FGF12: variants seen among roughly 807,000 people sequenced by gnomAD.
FGF12 encodes the protein fibroblast growth factor 12B.
FGF12 carries 14 observed loss-of-function variants against 23.6 expected under a neutral mutation model. The ratio of observed to expected loss-of-function variants is 0.59; its 90% confidence interval spans 0.39 to 0.93. FGF12 has a LOEUF of 0.93. Ranked by LOEUF, FGF12 falls within the 40% of genes least tolerant of loss-of-function variation. The pLI, the probability that FGF12 is intolerant of heterozygous loss-of-function variation, is 0.00. For synonymous variants in FGF12, 62 were observed against 77.3 expected (o/e 0.80, Z 1.04); for missense variants, 175 against 217.8 (o/e 0.80, Z 1.24).
At chr3:192,351,461 G>T (rs915392639) in intron 3 of FGF12, among the ~76,000 whole-genome samples, 1 of 152,146 alleles carries the variant, frequency 6.6e-6, no homozygotes, top group Non-Finnish European at 1.5e-5. Context: ...TTAAAGTTCT[G>T]TTCTGTTATT....
At chr3:192,212,946 G>A (rs886164973) in intron 4 of FGF12, among the ~76,000 whole-genome samples, 3 of 152,234 alleles carry the variant, frequency 2.0e-5, no homozygotes, top group African/African-American at 7.2e-5. Flanking sequence ...CCTGTCTGGA[G>A]TGGCAGCTGC....
At chr3:192,531,956 C>A (rs115853174) in intron 2 of FGF12, among the ~76,000 whole-genome samples, 122 of 152,286 alleles carry the variant, frequency 8.0e-4, no homozygotes, top group African/African-American at 2.9e-3. Flanking sequence ...CAGTTTCATT[C>A]TTCTACATGT....
At chr3:192,239,765 C>G (rs1470995260) in intron 4 of FGF12, among the ~76,000 whole-genome samples, 2 of 152,210 alleles carry the variant, frequency 1.3e-5, no homozygotes, top group African/African-American at 4.8e-5. Flanking sequence ...ATCTCCAACC[C>G]CCAACTAGTC....
chr3:192,319,594 CAAATAAATAAAT>C (rs556846919), intron 4 of FGF12, among the ~76,000 whole-genome samples: 2 of 151,350 alleles, frequency 1.3e-5, no homozygotes, highest in Admixed American at 6.6e-5. Flanking sequence ...AAGACTGTCT[CAAATAAATAAAT>C]AAATAAATAA....
Position 192,409,869 on chromosome 3 carries a change from T to TGGCCGCTCAGAGCCGCGGGC in FGF12, c.14-49351_14-49332dup, listed in dbSNP as rs1721133838. ...CAACTCGCCCAACTTGCTGCGCGGGTGGCCGCTCAGAGCCGCGGGCTTGCG... is the reference window on the plus strand; with the variant it reads ...CAACTCGCCCAACTTGCTGCGCGGGTGGCCGCTCAGAGCCGCGGGCGGCCGCTCAGAGCCGCGGGCTTGCG... On this transcript the variant is annotated intron_variant, in intron 2 of 5. Coordinates refer to ENST00000445105, the MANE Select transcript of FGF12 (RefSeq NM_004113.6). This position sits in a 1 kb window ranked among gnomAD's most constrained non-coding sequence, Gnocchi z 4.8. Among the ~76,000 whole-genome samples the TGGCCGCTCAGAGCCGCGGGC allele has an allele frequency of 6.6e-6, 1 of 151,142 alleles. No homozygotes were observed. The highest frequency in any genetic ancestry group is 6.6e-5 in the Admixed American group (1 of 15,218).
At chr3:192,597,901 C>A (rs1713933146) in intron 2 of FGF12, among the ~76,000 whole-genome samples, 1 of 152,178 alleles carries the variant, frequency 6.6e-6, no homozygotes, top group Admixed American at 6.5e-5. Flanking sequence ...AGATGGCATA[C>A]CTGGAGTATC....
At chr3:192,277,193 T>C (rs1221655315) in intron 4 of FGF12, among the ~76,000 whole-genome samples, 1 of 152,218 alleles carries the variant, frequency 6.6e-6, no homozygotes, top group African/African-American at 2.4e-5. Flanking sequence ...CATTCATTGA[T>C]AAAATGATTC....
chr3:192,548,011 T>C (rs1197476186), intron 2 of FGF12, among the ~76,000 whole-genome samples: 3 of 152,178 alleles, frequency 2.0e-5, no homozygotes, highest in African/African-American at 7.2e-5. Context: ...GAAACCAAGA[T>C]TTAAAAAACT....
Position 192,208,673 on chromosome 3 carries a change from T to C in FGF12, c.229-38017A>G, listed in dbSNP as rs887340737. Among the ~76,000 whole-genome samples the C allele has an allele frequency of 1.1e-4, 16 of 152,328 alleles. 2 individuals carry two copies. The highest frequency in any genetic ancestry group is 1.4e-4 in the African/African-American group (6 of 41,576). The stretch of plus-strand genomic sequence containing the variant: ...AGAATGCAAATAAATGTAGAATAAT[T>C]TCAATTTTAAAACAAAAAACACTGT... On this transcript the variant is annotated intron_variant, in intron 4 of 5. Coordinates refer to ENST00000445105, the MANE Select transcript of FGF12 (RefSeq NM_004113.6).
chr3:192,510,960 G>C (rs1724451345), intron 2 of FGF12, among the ~76,000 whole-genome samples: 1 of 152,156 alleles, frequency 6.6e-6, no homozygotes, highest in Non-Finnish European at 1.5e-5. Context: ...GGTTTTCAGG[G>C]ATTAGGAAAG....
intron 4 of FGF12, among the ~76,000 whole-genome samples, chr3:192,224,612 T>C (rs1331856852): frequency 6.6e-6 from 1 of 152,098 alleles, no homozygotes; most frequent in Non-Finnish European, 1.5e-5. Flanking sequence ...AATTTCTTCT[T>C]AGGTCTGCCA....
chr3:192,192,866 G>A (rs1321852978), intron 4 of FGF12, among the ~76,000 whole-genome samples: 3 of 152,132 alleles, frequency 2.0e-5, no homozygotes, highest in Admixed American at 2.0e-4. Context: ...GCATTGAGAT[G>A]TTTGTTATTT....
intron 2 of FGF12, among the ~76,000 whole-genome samples, chr3:192,698,766 GT>G (rs1200045353): frequency 1.3e-5 from 2 of 152,140 alleles, no homozygotes; most frequent in East Asian, 3.9e-4. Context: ...ATGTGAAACA[GT>G]TAGATACTTG....
At chr3:192,670,214 T>A (rs908492201) in intron 2 of FGF12, among the ~76,000 whole-genome samples, 1 of 152,292 alleles carries the variant, frequency 6.6e-6, no homozygotes, top group African/African-American at 2.4e-5. Flanking sequence ...TTATAAAATA[T>A]AAAATAATGC....
At chr3:192,636,155 A>T (rs1715574315) in intron 2 of FGF12, among the ~76,000 whole-genome samples, 1 of 152,216 alleles carries the variant, frequency 6.6e-6, no homozygotes. Flanking sequence ...ACAATCATGT[A>T]ATGTATAGAA....
At chr3:192,404,140 A>G (rs1186190842) in intron 2 of FGF12, among the ~76,000 whole-genome samples, 1 of 152,200 alleles carries the variant, frequency 6.6e-6, no homozygotes, top group Non-Finnish European at 1.5e-5. Flanking sequence ...AGGTTTTAAG[A>G]TAGATTTTTC....
chr3:192,514,888 A>G lies in FGF12; in HGVS notation c.14-154350T>C, dbSNP rs558360173. The G allele has an allele frequency of 7.1e-6, 7 of 985,194 alleles. No individual in the cohort carries two copies. The highest frequency in any genetic ancestry group is 6.1e-5 in the Admixed American group (1 of 16,288). The allele number at this position is 985,194 out of a possible 1,614,324, so 61.0% of individuals were successfully genotyped here. A position where few individuals can be genotyped will look rare whatever the true frequency, so the allele number is the denominator to read the frequency against. ...CGCCCAGGTGGAGGGGAGTTTGCACATGGAGCCGGAGGGAGCCCGGGCGCC... is the reference window on the plus strand; with the variant it reads ...CGCCCAGGTGGAGGGGAGTTTGCACGTGGAGCCGGAGGGAGCCCGGGCGCC... On this transcript the variant is annotated intron_variant, in intron 2 of 5. Coordinates refer to ENST00000445105, the MANE Select transcript of FGF12 (RefSeq NM_004113.6). The surrounding 1 kb of genome is among the most constrained non-coding windows in gnomAD (Gnocchi z 4.9).
chr3:192,247,958 GC>G (rs1197095177), intron 4 of FGF12, among the ~76,000 whole-genome samples: 5 of 152,148 alleles, frequency 3.3e-5, no homozygotes, highest in Non-Finnish European at 5.9e-5. Context: ...CCCACATACT[GC>G]TTAAGAAATT....
intron 2 of FGF12, among the ~76,000 whole-genome samples, chr3:192,518,364 T>C (rs1724732021): frequency 6.6e-6 from 1 of 152,156 alleles, no homozygotes; most frequent in African/African-American, 2.4e-5. Flanking sequence ...AATTTTTTCT[T>C]TTTAAAAATA....
Sources: gnomAD v4.1 joint callset for allele counts (sites outside exome capture counted in the v4.1 genomes callset) on GRCh38, gnomAD v4.1.1 for gene constraint, Gnocchi (gnomAD v3.1) non-coding constraint, MANE v1.5 for transcripts, NCBI Gene and HGNC (gene_info 2026-07-23, HGNC 2026-07-21) for gene names.